The following KIAA1191 variants were observed in gnomAD, a reference collection of about 807,000 sequenced individuals.
KIAA1191 encodes putative monooxygenase p33MONOX.
A neutral mutation model predicts 31.1 loss-of-function variants in KIAA1191; 22 were observed. The observed-to-expected ratio is 0.71, with a 90% CI of 0.51 to 1.01. The LOEUF (loss-of-function observed/expected upper bound fraction) is 1.01. Among genes scored for constraint, KIAA1191 ranks in the 50% least tolerant of loss-of-function variants. The probability of loss-of-function intolerance (pLI) is 0.00; values close to 1 mark genes in which losing one functional copy is unlikely to be tolerated. For missense variants in KIAA1191, 319 were observed against 388.0 expected, an observed-to-expected ratio of 0.82 and a Z score of 1.49; for synonymous variants, 130 against 143.9, an observed-to-expected ratio of 0.90 and a Z score of 0.69.
intron 5 of KIAA1191, 29 bp from the exon 6 acceptor site, chr5:176,350,766 C>T: frequency 6.2e-7 from 1 of 1,611,370 alleles, no homozygotes; most frequent in Non-Finnish European, 8.5e-7. Flanking sequence ...ACAGTCATGC[C>T]CATTCCCCTC....
intron 6 of KIAA1191, among the ~76,000 whole-genome samples, chr5:176,349,904 A>G (rs1460156773): frequency 2.0e-5 from 3 of 152,148 alleles, no homozygotes; most frequent in South Asian, 2.1e-4. Flanking sequence ...TCTCTTCACA[A>G]TCTGCCCCTG....
chr5:176,350,469 A>G, intron 6 of KIAA1191, 144 bp downstream of exon 6: 1 of 992,468 alleles, frequency 1.0e-6, no homozygotes, highest in Non-Finnish European at 1.5e-6. Flanking sequence ...TAGGTGGATA[A>G]GCAAAAACTA....
At chr5:176,350,847 C>G in intron 5 of KIAA1191, 110 bp from the exon 6 acceptor site, 7 of 1,338,628 alleles carry the variant, frequency 5.2e-6, no homozygotes, top group Non-Finnish European at 7.1e-6. Flanking sequence ...CCACACTGAC[C>G]ATTCAAAGAA....
Position 176,355,859 on chromosome 5 carries a change from C to A in KIAA1191, c.29-110G>T, listed in dbSNP as rs928226464. The A allele has an allele frequency of 6.4e-6, 7 of 1,091,462 alleles. No homozygotes were observed. In the South Asian group the frequency reaches 9.2e-5, roughly 14 times the overall value. The allele number at this position is 1,091,462 out of a possible 1,614,324, so 67.6% of individuals were successfully genotyped here. ...GAAATACTCTTGTTCTTGAACAGAGCAAAATAGCTTGTTTTGGAGTAGCTA... is the reference window on the plus strand; with the variant it reads ...GAAATACTCTTGTTCTTGAACAGAGAAAAATAGCTTGTTTTGGAGTAGCTA... On this transcript the variant is annotated intron_variant, in intron 3 of 8. Transcript: ENST00000298569. The surrounding 1 kb of genome is among the most constrained non-coding windows in gnomAD (Gnocchi z 4.2).
intron 5 of KIAA1191, among the ~76,000 whole-genome samples, chr5:176,351,874 G>A (rs1767042906): frequency 6.6e-6 from 1 of 152,040 alleles, no homozygotes; most frequent in Non-Finnish European, 1.5e-5. Context: ...GATAAACAAG[G>A]GCTTCTGACT....
chr5:176,347,982 G>C lies in KIAA1191; in HGVS notation c.648C>G (p.Asp216Glu). 6.2e-7 allele frequency: 1 copy of C among 1,614,134 alleles called. No individual in the cohort carries two copies. The highest frequency in any genetic ancestry group is 8.5e-7 in the Non-Finnish European group (1 of 1,180,020). ...STMDSGSGDK[D>E]RNLSDKWSLF... is the part of the protein sequence containing the mutation. ...GGCTCCACTTATCTGACAAGTTTCT[G>C]TCCTTATCCCCACTTCCAGAGTCCA... is the stretch of plus-strand genomic sequence containing the variant. The change falls in exon 8 of 9, where the codon GAC becomes GAG. Residue 216 changes from aspartate to glutamate, a missense_variant. Transcript: ENST00000298569.
In KIAA1191 at chr5:176,347,460, CA is replaced by C; in HGVS notation, c.*139del. 1 of 625,924 alleles carries C rather than the reference CA, an allele frequency of 1.6e-6. No homozygotes were observed. Among genetic ancestry groups the C allele is most frequent in the Non-Finnish European group, 2.5e-6 (1 of 405,394 alleles). 38.8% of individuals were successfully genotyped at this position (625,924 alleles called of 1,614,324 possible). A position where few individuals can be genotyped will look rare whatever the true frequency, so the allele number is the denominator to read the frequency against. On this transcript the variant is annotated 3_prime_UTR_variant, in exon 9 of 9. Transcript: ENST00000298569. The stretch of plus-strand genomic sequence containing the variant: ...CAGGTATCCACCTACCTTGGCCTCC[CA>C]AAGTGCTGGGATTACAGGCGTGAGC...
At chr5:176,351,290 G>A (rs559784981) in intron 5 of KIAA1191, among the ~76,000 whole-genome samples, 47 of 150,750 alleles carry the variant, frequency 3.1e-4, no homozygotes, top group East Asian at 9.8e-4. Context: ...GCAGTGAGTC[G>A]AGATCGTGCC....
rs1378366869 is a variant in KIAA1191 at position 176,350,685 on chromosome 5, A to G, written c.387T>C (p.Asp129=). ...GGCCCTTGTGGGGTGTGTAGCCAGCATCTCTCAGCCCTGCCTGTCGCTCAA... is the reference window on the plus strand; with the variant it reads ...GGCCCTTGTGGGGTGTGTAGCCAGCGTCTCTCAGCCCTGCCTGTCGCTCAA... The part of the protein sequence containing the change: ...QHFERQAGLR[D]AGYTPHKGLT... The change falls in exon 6 of 9, where the codon GAT becomes GAC. Residue 129 remains aspartate (D), a synonymous_variant. Transcript: ENST00000298569. 6.2e-7 allele frequency: 1 copy of G among 1,614,064 alleles called. No homozygotes were observed. The highest frequency in any genetic ancestry group is 2.2e-5 in the East Asian group (1 of 44,896).
At position 176,347,669 on chromosome 5, in the gene KIAA1191, C is replaced by G. The variant is rs1161133836; in HGVS notation, c.849G>C (p.Lys283Asn). 6.3e-7 allele frequency: 1 copy of G among 1,579,346 alleles called. No individual in the cohort carries two copies. The highest frequency in any genetic ancestry group is 1.2e-5 in the South Asian group (1 of 84,490). ...GGTTATGGGCCCGTGGTGGCTGTTT[C>G]TTTCCTTCCATCACTGGGATGTCCA... is the stretch of plus-strand genomic sequence containing the variant. ...PKMDIPVMEG[K>N]KQPPRAHNLK... is the part of the protein sequence containing the mutation. The change falls in exon 9 of 9, where the codon AAG (lysine) becomes AAC (asparagine). Residue 283 changes from lysine to asparagine, a missense_variant. Coordinates refer to ENST00000298569, the MANE Select transcript of KIAA1191 (RefSeq NM_020444.5).
At position 176,346,907 on chromosome 5, in the gene KIAA1191, A is replaced by G. The variant is rs533222197; in HGVS notation, c.*693T>C. On this transcript the variant is annotated 3_prime_UTR_variant, in exon 9 of 9. Transcript: ENST00000298569. ...CTTAGCGAGTCAGTGAGCACCTCTA[A>G]GCCATGATTTGTCAATGCTCACATG... is the stretch of plus-strand genomic sequence containing the variant. The G allele has an allele frequency of 2.6e-5, 4 of 152,370 alleles. No individual in the cohort carries two copies. In the East Asian group the frequency reaches 7.7e-4, roughly 29 times the overall value. 9.4% of individuals were successfully genotyped at this position (152,370 alleles called of 1,614,324 possible). A position where few individuals can be genotyped will look rare whatever the true frequency, so the allele number is the denominator to read the frequency against.
Position 176,355,800 on chromosome 5 carries a change from C to T in KIAA1191, c.29-51G>A, listed in dbSNP as rs1561758287. 6.5e-7 allele frequency: 1 copy of T among 1,545,756 alleles called. No homozygotes were observed. Among genetic ancestry groups the T allele is most frequent in the Non-Finnish European group, 8.9e-7 (1 of 1,118,572 alleles). On this transcript the variant is annotated intron_variant, in intron 3 of 8. Coordinates refer to ENST00000298569, the MANE Select transcript of KIAA1191 (RefSeq NM_020444.5). The surrounding 1 kb of genome is among the most constrained non-coding windows in gnomAD (Gnocchi z 4.2). ...CAGGTTCAGCAACTGGACATACTAG[C>T]AGCTTTAAATTAATCTACAGGAAGG... is the stretch of plus-strand genomic sequence containing the variant.
At chr5:176,348,920 G>A (rs1159472381) in intron 6 of KIAA1191, 1 of 153,720 alleles carries the variant, frequency 6.5e-6, no homozygotes, top group Admixed American at 6.4e-5. Context: ...AGTCTAGTGG[G>A]GAGAGACAGG....
chr5:176,355,947 C>T lies in KIAA1191; in HGVS notation c.29-198G>A. 3.3e-6 allele frequency: 2 copies of T among 605,280 alleles called. No individual in the cohort carries two copies. Among genetic ancestry groups the T allele is most frequent in the East Asian group, 5.8e-5 (2 of 34,476 alleles). 37.5% of individuals were successfully genotyped at this position (605,280 alleles called of 1,614,324 possible). On this transcript the variant is annotated intron_variant, in intron 3 of 8. Coordinates refer to ENST00000298569, the MANE Select transcript of KIAA1191 (RefSeq NM_020444.5). This position sits in a 1 kb window ranked among gnomAD's most constrained non-coding sequence, Gnocchi z 4.2. ...TCTATGCCTGACACCTTGGGTGGTC[C>T]ACTTAACCCACTCAGCCGTCCTAAT...
intron 5 of KIAA1191, 136 bp downstream of exon 5, chr5:176,352,486 A>G: frequency 5.0e-6 from 5 of 997,278 alleles, no homozygotes; most frequent in Non-Finnish European, 7.3e-6. Flanking sequence ...TACTGACATG[A>G]TTCAGCAGCC....
At chr5:176,352,529 G>T in intron 5 of KIAA1191, 93 bp downstream of exon 5, 1 of 1,415,542 alleles carries the variant, frequency 7.1e-7, no homozygotes, top group Non-Finnish European at 9.6e-7. Flanking sequence ...GGTAAGGCGA[G>T]CGTGTTGCAG....
intron 6 of KIAA1191, 82 bp from the exon 7 acceptor site, chr5:176,348,438 T>C (rs985170980): frequency 9.8e-7 from 1 of 1,022,332 alleles, no homozygotes; most frequent in Non-Finnish European, 1.5e-6. Context: ...AAAAATTTGG[T>C]TCGCATTCTA....
In KIAA1191 at chr5:176,361,498, G is replaced by C. The variant is rs1013017855; in HGVS notation, c.-168+104C>G. On this transcript the variant is annotated intron_variant, in intron 1 of 8. Transcript: ENST00000298569. This position sits in a 1 kb window ranked among gnomAD's most constrained non-coding sequence, Gnocchi z 4.0. ...AGGGTTAAGAGGTGCGGGGAGAGGG[G>C]AGTGGCTTGGAGGGGCCCCGAGATC... The C allele has an allele frequency of 6.6e-6, 1 of 152,390 alleles. No individual in the cohort carries two copies. The highest frequency in any genetic ancestry group is 1.9e-4 in the East Asian group (1 of 5,198). 9.4% of individuals were successfully genotyped at this position (152,390 alleles called of 1,614,324 possible).
rs775574092 is a variant in KIAA1191 at position 176,347,761 on chromosome 5, A to G, written c.757T>C (p.Leu253=). ...AYRGAQKPSP[L]ELIRAQANRM... is the part of the protein sequence containing the mutation. The stretch of plus-strand genomic sequence containing the variant: ...TTGGCCTGGGCACGTATCAGTTCCA[A>G]TGGAGAGGGCTTCTGGGCTCCTCGG... The change falls in exon 9 of 9, where the codon TTG becomes CTG. Residue 253 remains leucine (L), a synonymous_variant. Transcript: ENST00000298569. 1.9e-6 allele frequency: 3 copies of G among 1,609,592 alleles called. No homozygotes were observed. The highest frequency in any genetic ancestry group is 1.1e-5 in the South Asian group (1 of 90,362).
Sources: gnomAD v4.1 joint callset for allele counts (sites outside exome capture counted in the v4.1 genomes callset) on GRCh38, gnomAD v4.1.1 for gene constraint, Gnocchi (gnomAD v3.1) non-coding constraint, MANE v1.5 for transcripts, NCBI Gene and HGNC (gene_info 2026-07-23, HGNC 2026-07-21) for gene names.